CCDC184: variants seen among roughly 807,000 people sequenced by gnomAD.
CCDC184 encodes coiled-coil domain-containing protein 184.
Under a neutral mutation model 10.4 loss-of-function variants are expected in CCDC184, and 11 were observed. That is an observed-to-expected ratio of 1.06 (90% CI 0.67 to 1.75). The LOEUF is 1.75. Among genes scored for constraint, CCDC184 ranks in the 40% most tolerant of loss-of-function variants. The probability of loss-of-function intolerance (pLI) is 0.00; values close to 1 mark genes in which losing one functional copy is unlikely to be tolerated. For synonymous variants in CCDC184, 102 were observed against 116.1 expected (o/e 0.88, Z 0.78); for missense variants, 264 against 267.9 (o/e 0.99, Z 0.10).
rs749110424 is a variant in CCDC184 at position 48,184,180 on chromosome 12, C to A, written c.58C>A (p.Leu20Met). The A allele has an allele frequency of 6.2e-7, 1 of 1,613,946 alleles. No homozygotes were observed. The highest frequency in any genetic ancestry group is 1.3e-5 in the African/African-American group (1 of 74,934). ...TKDGGDMPAP[L>M]EVSTVPAVGD... ...GGACGGCGGCGACATGCCGGCGCCC[C>A]TGGAGGTGTCCACCGTGCCGGCAGT... Residue 20 changes from leucine (L) to methionine (M), a missense_variant, in exon 1 of 1, where the codon CTG becomes ATG. Leu to Met is a conservative substitution (Grantham distance 15). Coordinates refer to ENST00000316554, the MANE Select transcript of CCDC184 (RefSeq NM_001013635.4).
In CCDC184 at chr12:48,184,914, A is replaced by G; in HGVS notation, c.*207A>G. On this transcript the variant is annotated 3_prime_UTR_variant, in exon 1 of 1. Coordinates refer to ENST00000316554, the MANE Select transcript of CCDC184 (RefSeq NM_001013635.4). ...TTCTTTCTGCCCAACTAAGCGAATT[A>G]TAGCGAACTGCGGAAAGGTGAGGCT... 1.8e-6 allele frequency: 1 copy of G among 553,096 alleles called. No homozygotes were observed. The highest frequency in any genetic ancestry group is 2.9e-5 in the South Asian group (1 of 34,116). The allele number at this position is 553,096 out of a possible 1,614,324, so 34.3% of individuals were successfully genotyped here. A position where few individuals can be genotyped will look rare whatever the true frequency, so the allele number is the denominator to read the frequency against.
In CCDC184 at chr12:48,184,735, G is replaced by A. The variant is rs773084537; in HGVS notation, c.*28G>A. On this transcript the variant is annotated 3_prime_UTR_variant, in exon 1 of 1. Transcript: ENST00000316554. Reference sequence around the variant, plus strand: ...GGACTCCGTGGGGCACTACCTTCCCGGGCTGTCTTTGGGTTTCCGAGTGCA... The same window carrying A: ...GGACTCCGTGGGGCACTACCTTCCCAGGCTGTCTTTGGGTTTCCGAGTGCA... 5.8e-6 allele frequency: 9 copies of A among 1,552,556 alleles called. No homozygotes were observed. Among genetic ancestry groups the A allele is most frequent in the South Asian group, 1.2e-5 (1 of 84,150 alleles).
Position 48,185,345 on chromosome 12 carries a change from C to G in CCDC184, c.*638C>G, listed in dbSNP as rs566639629. On this transcript the variant is annotated 3_prime_UTR_variant, in exon 1 of 1. Transcript: ENST00000316554. Reference sequence around the variant, plus strand: ...GAATGTGCATGAAGACATAATAGCTCAACCTCTAGGATTTTGCATGCAGAG... The same window carrying G: ...GAATGTGCATGAAGACATAATAGCTGAACCTCTAGGATTTTGCATGCAGAG... 1 of 167,164 alleles carries G rather than the reference C, an allele frequency of 6.0e-6. No individual in the cohort carries two copies. Among genetic ancestry groups the G allele is most frequent in the South Asian group, 2.1e-4 (1 of 4,822 alleles). 10.4% of individuals were successfully genotyped at this position (167,164 alleles called of 1,614,324 possible). A position where few individuals can be genotyped will look rare whatever the true frequency, so the allele number is the denominator to read the frequency against.
Position 48,184,246 on chromosome 12 carries a change from G to A in CCDC184, c.124G>A (p.Glu42Lys), listed in dbSNP as rs755794030. 1 of 1,614,070 alleles carries A rather than the reference G, an allele frequency of 6.2e-7. No individual in the cohort carries two copies. The highest frequency in any genetic ancestry group is 1.1e-5 in the South Asian group (1 of 91,090). The change falls in exon 1 of 1, where the codon GAA (glutamate) becomes AAA (lysine). Residue 42 changes from glutamate (E) to lysine (K), a missense_variant. By Grantham distance (56) the Glu-to-Lys change is moderately conservative. Coordinates refer to ENST00000316554, the MANE Select transcript of CCDC184 (RefSeq NM_001013635.4). Reference sequence around the variant, plus strand: ...CGGGGAGTACAACGGCGGCATGAAGGAACTGATGGAGCACCTGAAAGCCCA... The same window carrying A: ...CGGGGAGTACAACGGCGGCATGAAGAAACTGATGGAGCACCTGAAAGCCCA... ...ISGEYNGGMK[E>K]LMEHLKAQLQ...
At position 48,184,337 on chromosome 12, in the gene CCDC184, T is replaced by C; in HGVS notation, c.215T>C (p.Ile72Thr). ...GCCCTGGACGAGCAGGCCTCGCACA[T>C]CCAGGTGCTCTCGGACGACGTGTGC... ...RGALDEQASH[I>T]QVLSDDVCAN... The change falls in exon 1 of 1, where the codon ATC becomes ACC. Residue 72 changes from isoleucine to threonine, a missense_variant. Transcript: ENST00000316554. 1 of 1,613,922 alleles carries C rather than the reference T, an allele frequency of 6.2e-7. No individual in the cohort carries two copies. Among genetic ancestry groups the C allele is most frequent in the Non-Finnish European group, 8.5e-7 (1 of 1,179,970 alleles).
Position 48,184,004 on chromosome 12 carries a change from T to C in CCDC184, c.-119T>C. The C allele has an allele frequency of 1.9e-6, 1 of 530,434 alleles. No individual in the cohort carries two copies. The highest frequency in any genetic ancestry group is 2.0e-5 in the South Asian group (1 of 50,080). 32.9% of individuals were successfully genotyped at this position (530,434 alleles called of 1,614,324 possible). A position where few individuals can be genotyped will look rare whatever the true frequency, so the allele number is the denominator to read the frequency against. On this transcript the variant is annotated 5_prime_UTR_variant, in exon 1 of 1. Transcript: ENST00000316554. ...CGGCTCCCCGCCAGTCTCGGGAGCC[T>C]CCGCTTCCCTCGGCTCCCGCTAGCC...
In CCDC184 at chr12:48,184,290, G is replaced by A. The variant is rs763269669; in HGVS notation, c.168G>A (p.Glu56=). Residue 56 remains glutamate (E), a synonymous_variant, in exon 1 of 1, where the codon GAG becomes GAA. Transcript: ENST00000316554. The stretch of plus-strand genomic sequence containing the variant: ...AAGCCCAGCTGCAAGCCCTGTTTGA[G>A]GACGTGAGGGCCATGAGGGGGGCCC... ...HLKAQLQALF[E]DVRAMRGALD... is the part of the protein sequence containing the mutation. The A allele has an allele frequency of 9.9e-6, 16 of 1,614,060 alleles. No individual in the cohort carries two copies. The highest frequency in any genetic ancestry group is 1.4e-5 in the Non-Finnish European group (16 of 1,180,038).
rs1951482547 is a variant in CCDC184, at chr12:48,183,853, C to CTT, written c.-268_-267dup. ...CCGGGAGGCGAGGCAGGGCAGGGCA[C>CTT]TTTCGTCCCGGGGCGATCCCAAGAG... On this transcript the variant is annotated 5_prime_UTR_variant, in exon 1 of 1. Transcript: ENST00000316554. The CTT allele has an allele frequency of 2.1e-6, 1 of 472,654 alleles. No homozygotes were observed. Among genetic ancestry groups the CTT allele is most frequent in the Non-Finnish European group, 3.8e-6 (1 of 265,764 alleles). The allele number at this position is 472,654 out of a possible 1,614,324, so 29.3% of individuals were successfully genotyped here.
chr12:48,184,199 C>G lies in CCDC184; in HGVS notation c.77C>G (p.Pro26Arg). Residue 26 changes from proline to arginine, a missense_variant, in exon 1 of 1, where the codon CCG becomes CGG. Pro to Arg is a moderately radical substitution (Grantham distance 103). Transcript: ENST00000316554. ...GCGCCCCTGGAGGTGTCCACCGTGC[C>G]GGCAGTGGGGGACGTGATCTCCGGG... ...MPAPLEVSTV[P>R]AVGDVISGEY... is the part of the protein sequence containing the mutation. 2.5e-6 allele frequency: 4 copies of G among 1,614,078 alleles called. No individual in the cohort carries two copies. The highest frequency in any genetic ancestry group is 1.1e-5 in the South Asian group (1 of 91,088).
At position 48,184,642 on chromosome 12, in the gene CCDC184, C is replaced by T. The variant is rs951958378; in HGVS notation, c.520C>T (p.Leu174Phe). ...CAGLLGGDGP[L>F]VEPLDMPDIT... The stretch of plus-strand genomic sequence containing the variant: ...TGGTCTCCTTGGGGGGGACGGGCCA[C>T]TTGTGGAGCCCCTCGACATGCCCGA... The change falls in exon 1 of 1, where the codon CTT becomes TTT. Residue 174 changes from leucine to phenylalanine, a missense_variant. By Grantham distance (22) the Leu-to-Phe change is conservative. Transcript: ENST00000316554. 5 of 1,589,228 alleles carry T rather than the reference C, an allele frequency of 3.1e-6. No individual in the cohort carries two copies.
In CCDC184 at chr12:48,184,915, T is replaced by C. The variant is rs574538354; in HGVS notation, c.*208T>C. 20 of 547,456 alleles carry C rather than the reference T, an allele frequency of 3.7e-5. No individual in the cohort carries two copies. Among genetic ancestry groups the C allele is most frequent in the South Asian group, 1.8e-4 (6 of 33,308 alleles). 33.9% of individuals were successfully genotyped at this position (547,456 alleles called of 1,614,324 possible). Reference sequence around the variant, plus strand: ...TCTTTCTGCCCAACTAAGCGAATTATAGCGAACTGCGGAAAGGTGAGGCTC... The same window carrying C: ...TCTTTCTGCCCAACTAAGCGAATTACAGCGAACTGCGGAAAGGTGAGGCTC... On this transcript the variant is annotated 3_prime_UTR_variant, in exon 1 of 1. Transcript: ENST00000316554.
chr12:48,184,126 G>T lies in CCDC184; in HGVS notation c.4G>T (p.Glu2Ter), dbSNP rs1038852186. The change falls in exon 1 of 1, where the codon GAG (glutamate) becomes TAG (stop). Residue 2 changes from glutamate (E) to a stop codon, truncating the protein, a stop_gained. Transcript: ENST00000316554. LOFTEE classifies it high-confidence loss of function. The stretch of plus-strand genomic sequence containing the variant: ...CGCCACCCGCTTCTGCCACTCAATG[G>T]AGGACGGTCTGCTGGAGATCATGAC... M[E>*]DGLLEIMTKD... 12 of 1,611,194 alleles carry T rather than the reference G, an allele frequency of 7.4e-6. No homozygotes were observed. Among genetic ancestry groups the T allele is most frequent in the African/African-American group, 1.3e-5 (1 of 74,836 alleles).
In CCDC184 at chr12:48,183,716, C is replaced by T. The variant is rs1027336989; in HGVS notation, c.-407C>T. Reference sequence around the variant, plus strand: ...TGGGGGAGTCCCGAGTCCGACGCGCCGCTGGCCTCAGCCTGGACGCGGACC... The same window carrying T: ...TGGGGGAGTCCCGAGTCCGACGCGCTGCTGGCCTCAGCCTGGACGCGGACC... On this transcript the variant is annotated 5_prime_UTR_variant, in exon 1 of 1. Coordinates refer to ENST00000316554, the MANE Select transcript of CCDC184 (RefSeq NM_001013635.4). The T allele has an allele frequency of 5.2e-6, 1 of 191,204 alleles. No individual in the cohort carries two copies. The highest frequency in any genetic ancestry group is 1.1e-5 in the Non-Finnish European group (1 of 94,044). The allele number at this position is 191,204 out of a possible 1,614,324, so 11.8% of individuals were successfully genotyped here.
chr12:48,184,626 T>C lies in CCDC184; in HGVS notation c.504T>C (p.Leu168=). The change falls in exon 1 of 1, where the codon CTT becomes CTC. Residue 168 remains leucine (L), a synonymous_variant. Transcript: ENST00000316554. ...ERPESPCAGL[L]GGDGPLVEPL... ...CCGAAAGCCCCTGTGCTGGTCTCCT[T>C]GGGGGGGACGGGCCACTTGTGGAGC... The C allele has an allele frequency of 6.3e-7, 1 of 1,578,420 alleles. No individual in the cohort carries two copies. Among genetic ancestry groups the C allele is most frequent in the Admixed American group, 1.8e-5 (1 of 54,388 alleles).
In CCDC184 at chr12:48,185,531, G is replaced by C. The variant is rs1951496078; in HGVS notation, c.*824G>C. Reference sequence around the variant, plus strand: ...ACTCTTGGGGCCGCAGCCAAAAACTGTCTCTCCTGGCTACACCTGCTTAAC... The same window carrying C: ...ACTCTTGGGGCCGCAGCCAAAAACTCTCTCTCCTGGCTACACCTGCTTAAC... On this transcript the variant is annotated 3_prime_UTR_variant, in exon 1 of 1. Transcript: ENST00000316554. 1 of 166,874 alleles carries C rather than the reference G, an allele frequency of 6.0e-6. No individual in the cohort carries two copies. Among genetic ancestry groups the C allele is most frequent in the Admixed American group, 6.6e-5 (1 of 15,248 alleles). The allele number at this position is 166,874 out of a possible 1,614,324, so 10.3% of individuals were successfully genotyped here.
chr12:48,184,713 C>T lies in CCDC184; in HGVS notation c.*6C>T. 1 of 1,585,390 alleles carries T rather than the reference C, an allele frequency of 6.3e-7. No individual in the cohort carries two copies. The highest frequency in any genetic ancestry group is 8.6e-7 in the Non-Finnish European group (1 of 1,162,936). ...AGGGCGAGGCCTCCCTGTGAGGGGA[C>T]TCCGTGGGGCACTACCTTCCCGGGC... On this transcript the variant is annotated 3_prime_UTR_variant, in exon 1 of 1. Coordinates refer to ENST00000316554, the MANE Select transcript of CCDC184 (RefSeq NM_001013635.4).
rs1466570441 is a variant in CCDC184 at position 48,183,960 on chromosome 12, C to G, written c.-163C>G. On this transcript the variant is annotated 5_prime_UTR_variant, in exon 1 of 1. Coordinates refer to ENST00000316554, the MANE Select transcript of CCDC184 (RefSeq NM_001013635.4). ...CGCGATCCTGCCTGCGCCCTCTGCC[C>G]AGGACTCGTCTCTCACGTCGGCTCC... 1.6e-6 allele frequency: 1 copy of G among 611,876 alleles called. No homozygotes were observed. Among genetic ancestry groups the G allele is most frequent in the African/African-American group, 1.8e-5 (1 of 54,156 alleles). 37.9% of individuals were successfully genotyped at this position (611,876 alleles called of 1,614,324 possible).
At position 48,184,944 on chromosome 12, in the gene CCDC184, G is replaced by A. The variant is rs1463715677; in HGVS notation, c.*237G>A. ...GAACTGCGGAAAGGTGAGGCTCCGG[G>A]AGAGGAAGCGCCCATCTCTGGACTC... On this transcript the variant is annotated 3_prime_UTR_variant, in exon 1 of 1. Transcript: ENST00000316554. The A allele has an allele frequency of 3.9e-6, 2 of 509,656 alleles. No individual in the cohort carries two copies. The highest frequency in any genetic ancestry group is 7.2e-6 in the Non-Finnish European group (2 of 278,560). 31.6% of individuals were successfully genotyped at this position (509,656 alleles called of 1,614,324 possible).
chr12:48,185,841 C>T lies in CCDC184; in HGVS notation c.*1134C>T, dbSNP rs1277584172. 1 of 167,360 alleles carries T rather than the reference C, an allele frequency of 6.0e-6. No individual in the cohort carries two copies. Among genetic ancestry groups the T allele is most frequent in the Admixed American group, 6.5e-5 (1 of 15,278 alleles). 10.4% of individuals were successfully genotyped at this position (167,360 alleles called of 1,614,324 possible). On this transcript the variant is annotated 3_prime_UTR_variant, in exon 1 of 1. Coordinates refer to ENST00000316554, the MANE Select transcript of CCDC184 (RefSeq NM_001013635.4). ...GCCCTTCCACCTCCTCAAGTGGTGACTTTGTGTGCCCTCCCCCTCCTTTGT... is the reference window on the plus strand; with the variant it reads ...GCCCTTCCACCTCCTCAAGTGGTGATTTTGTGTGCCCTCCCCCTCCTTTGT...
Sources: allele counts gnomAD v4.1 joint callset, GRCh38; gene constraint gnomAD v4.1.1; transcripts MANE v1.5; gene names NCBI Gene and HGNC (gene_info 2026-07-23, HGNC 2026-07-21).